Variants in CPNE4 observed in about 807,000 individuals in gnomAD.
CPNE4 encodes the protein copine 4, also known as copine-4.
CPNE4 carries 25 observed loss-of-function variants against 67.9 expected under a neutral mutation model. The observed-to-expected ratio is 0.37, with a 90% confidence interval of 0.27 to 0.51. CPNE4 has a LOEUF of 0.51. Ranked by LOEUF, CPNE4 falls within the 20% of genes least tolerant of loss-of-function variation. The probability of loss-of-function intolerance (pLI) is 0.93; values close to 1 mark genes in which losing one functional copy is unlikely to be tolerated. For synonymous variants in CPNE4, 242 were observed against 244.9 expected, an observed-to-expected ratio of 0.99 and a Z score of 0.11; for missense variants, 464 against 690.8, an observed-to-expected ratio of 0.67 and a Z score of 3.68.
intron 2 of CPNE4, among the ~76,000 whole-genome samples, chr3:131,858,223 G>A (rs1436932661): frequency 6.6e-6 from 1 of 152,066 alleles, no homozygotes; most frequent in South Asian, 2.1e-4. Flanking sequence ...AACAGGTAAT[G>A]CAAAAGCATC....
intron 1 of CPNE4, among the ~76,000 whole-genome samples, chr3:132,004,523 C>T (rs2073536924): frequency 6.6e-6 from 1 of 151,948 alleles, no homozygotes; most frequent in Admixed American, 6.6e-5. Context: ...GTTTACTTAG[C>T]ATTGTATTGT....
chr3:131,903,197 G>A (rs1287717192), intron 2 of CPNE4, among the ~76,000 whole-genome samples: 2 of 152,052 alleles, frequency 1.3e-5, no homozygotes, highest in Admixed American at 1.3e-4. Flanking sequence ...GCATAGTATT[G>A]AAGGCTTAAA....
chr3:131,950,920 T>G (rs754289424), intron 1 of CPNE4, among the ~76,000 whole-genome samples: 5 of 152,250 alleles, frequency 3.3e-5, no homozygotes, highest in Non-Finnish European at 7.3e-5. Context: ...ATTAGATTAC[T>G]AAAGAGACTG....
chr3:131,871,154 G>A (rs983024439), intron 2 of CPNE4, among the ~76,000 whole-genome samples: 1 of 152,094 alleles, frequency 6.6e-6, no homozygotes, highest in Non-Finnish European at 1.5e-5. Flanking sequence ...GAAGGGTAAA[G>A]GAGAAAGAAC....
chr3:131,537,230 T>C (rs561725016), intron 15 of CPNE4, among the ~76,000 whole-genome samples: 1 of 151,858 alleles, frequency 6.6e-6, no homozygotes, highest in African/African-American at 2.4e-5. Flanking sequence ...TGTAAAAGTG[T>C]GTGGAGGTCA....
At chr3:131,776,101 G>A (rs116454715) in intron 2 of CPNE4, among the ~76,000 whole-genome samples, 139 of 152,088 alleles carry the variant, frequency 9.1e-4, no homozygotes, top group African/African-American at 3.2e-3. Flanking sequence ...TCTCCTTCCC[G>A]GCTTACCCTG....
intron 7 of CPNE4, among the ~76,000 whole-genome samples, chr3:131,647,660 T>C (rs1179413962): frequency 6.6e-6 from 1 of 152,170 alleles, no homozygotes; most frequent in African/African-American, 2.4e-5. Context: ...GGTCCTGATC[T>C]TTCTAGTTAC....
intron 2 of CPNE4, among the ~76,000 whole-genome samples, chr3:131,891,662 A>C (rs971509132): frequency 1.3e-5 from 2 of 152,118 alleles, no homozygotes; most frequent in Non-Finnish European, 2.9e-5. Context: ...CCTGTAAGTG[A>C]GAACAGGTGG....
At chr3:131,876,652 AAAAAG>A (rs1287041851) in intron 2 of CPNE4, among the ~76,000 whole-genome samples, 2 of 149,052 alleles carry the variant, frequency 1.3e-5, no homozygotes, top group African/African-American at 4.9e-5. Context: ...AAAAAAAAAA[AAAAAG>A]AAAGAAAGAA....
chr3:131,739,414 C>T (rs2082310093), intron 2 of CPNE4, among the ~76,000 whole-genome samples: 1 of 152,188 alleles, frequency 6.6e-6, no homozygotes, highest in Non-Finnish European at 1.5e-5. Context: ...CCTTCTGCCT[C>T]CTGACCCATG....
chr3:131,581,466 A>T, intron 9 of CPNE4, 113 bp downstream of exon 9: 12 of 714,216 alleles, frequency 1.7e-5, no homozygotes, highest in Middle Eastern at 5.9e-4. Context: ...TTTAATTTTT[A>T]TTTTAAAAGA....
At chr3:131,999,055 A>G (rs2073363007) in intron 1 of CPNE4, among the ~76,000 whole-genome samples, 1 of 151,896 alleles carries the variant, frequency 6.6e-6, no homozygotes, top group Admixed American at 6.6e-5. Context: ...GAGGGGCATG[A>G]AAGAGGCAGT....
intron 2 of CPNE4, among the ~76,000 whole-genome samples, chr3:131,734,165 T>A (rs2082185741): frequency 6.6e-6 from 1 of 152,202 alleles, no homozygotes; most frequent in South Asian, 2.1e-4. Context: ...GTGGACCTTC[T>A]CCAAATGCCA....
chr3:131,740,966 C>T (rs910150959), intron 2 of CPNE4, among the ~76,000 whole-genome samples: 1 of 152,164 alleles, frequency 6.6e-6, no homozygotes, highest in Non-Finnish European at 1.5e-5. Flanking sequence ...CCAGAATGCT[C>T]TTCCTCTAAA....
At chr3:131,781,404 T>C (rs918698319) in intron 2 of CPNE4, among the ~76,000 whole-genome samples, 5 of 152,144 alleles carry the variant, frequency 3.3e-5, no homozygotes, top group Non-Finnish European at 5.9e-5. Context: ...AATTAATGCT[T>C]CAAATTTTAT....
At chr3:131,755,665 T>A (rs1158787854) in intron 2 of CPNE4, among the ~76,000 whole-genome samples, 1 of 152,198 alleles carries the variant, frequency 6.6e-6, no homozygotes, top group Non-Finnish European at 1.5e-5. Context: ...AAGCCAGGCA[T>A]CAGATCTAGT....
chr3:131,809,326 A>G (rs1163211440), intron 2 of CPNE4, among the ~76,000 whole-genome samples: 2 of 152,160 alleles, frequency 1.3e-5, no homozygotes, highest in African/African-American at 2.4e-5. Context: ...AATGGAAAAG[A>G]TGAGAAGATG....
chr3:132,010,519 G>C (rs2073731687), intron 1 of CPNE4, among the ~76,000 whole-genome samples: 1 of 152,098 alleles, frequency 6.6e-6, no homozygotes. Flanking sequence ...ACAGCTCACA[G>C]GGCACCTAAT....
intron 7 of CPNE4, among the ~76,000 whole-genome samples, chr3:131,609,354 C>T (rs944929569): frequency 1.3e-5 from 2 of 152,140 alleles, no homozygotes; most frequent in African/African-American, 4.8e-5. Flanking sequence ...GGGTACATTT[C>T]CTAGCCATTT....
Sources: gnomAD v4.1 joint callset for allele counts (sites outside exome capture counted in the v4.1 genomes callset) on GRCh38, gnomAD v4.1.1 for gene constraint, MANE v1.5 for transcripts, NCBI Gene and HGNC (gene_info 2026-07-23, HGNC 2026-07-21) for gene names.